The following SMCHD1 variants were observed in gnomAD, a reference collection of about 807,000 sequenced individuals.
The protein encoded by SMCHD1 is structural maintenance of chromosomes flexible hinge domain containing 1, also known as structural maintenance of chromosomes flexible hinge domain-containing protein 1.
Under a neutral mutation model 254.7 loss-of-function variants are expected in SMCHD1, and 78 were observed. That is an observed-to-expected ratio of 0.31 (90% CI 0.26 to 0.37). The LOEUF (loss-of-function observed/expected upper bound fraction) is 0.37. Among genes scored for constraint, SMCHD1 ranks in the 10% least tolerant of loss-of-function variants. The pLI is 1.00. For missense variants in SMCHD1, 1,840 were observed against 2,408.1 expected (o/e 0.76, Z 4.94); for synonymous variants, 766 against 794.9 (o/e 0.96, Z 0.61).
intron 25 of SMCHD1, among the ~76,000 whole-genome samples, chr18:2,733,713 T>A (rs2075190131): frequency 6.6e-6 from 1 of 152,240 alleles, no homozygotes; most frequent in Non-Finnish European, 1.5e-5. Context: ...GGAACAAATT[T>A]GCATTTTCAA....
In SMCHD1 at chr18:2,666,196, A is replaced by G. The variant is rs1598283100; in HGVS notation, c.226A>G (p.Thr76Ala). The G allele has an allele frequency of 1.9e-6, 3 of 1,561,310 alleles. No individual in the cohort carries two copies. The highest frequency in any genetic ancestry group is 2.6e-6 in the Non-Finnish European group (3 of 1,137,470). Reference sequence around the variant, plus strand: ...ACCTGAAGAAAAATTTGTTATTACAACAACAAGTAGGAAAGAAATTACCTG... The same window carrying G: ...ACCTGAAGAAAAATTTGTTATTACAGCAACAAGTAGGAAAGAAATTACCTG... ...ISPEEKFVITTTSRKEITCDN... is the reference protein window; with the variant it reads ...ISPEEKFVITATSRKEITCDN... The change falls in exon 2 of 48, where the codon ACA (threonine) becomes GCA (alanine). Residue 76 changes from threonine to alanine, a missense_variant. Thr to Ala is a moderately conservative substitution (Grantham distance 58). Coordinates refer to ENST00000320876, the MANE Select transcript of SMCHD1 (RefSeq NM_015295.3).
intron 12 of SMCHD1, among the ~76,000 whole-genome samples, chr18:2,702,528 T>C (rs1414901477): frequency 7.7e-6 from 1 of 129,728 alleles, no homozygotes; most frequent in African/African-American, 2.5e-5. Flanking sequence ...GTTGTCAGAC[T>C]TTCTGGTTCC....
intron 29 of SMCHD1, among the ~76,000 whole-genome samples, chr18:2,744,358 C>T (rs947688205): frequency 2.0e-5 from 3 of 151,678 alleles, no homozygotes; most frequent in African/African-American, 7.3e-5. Context: ...GTAAATACTT[C>T]GGTATGCCTT....
At chr18:2,781,158 T>G (rs528842434) in intron 44 of SMCHD1, among the ~76,000 whole-genome samples, 147 of 152,268 alleles carry the variant, frequency 9.7e-4, no homozygotes, top group Non-Finnish European at 1.5e-3. Flanking sequence ...ACCCCCTCTG[T>G]GGGGGGAAAC....
At chr18:2,796,256 T>C (rs2076261842) in intron 46 of SMCHD1, 149 bp downstream of exon 46, 2 of 867,704 alleles carry the variant, frequency 2.3e-6, no homozygotes, top group Non-Finnish European at 3.5e-6. Context: ...TGATAAATGG[T>C]TATAAACTAT....
chr18:2,755,810 A>G (rs567399458), intron 34 of SMCHD1, among the ~76,000 whole-genome samples: 6 of 147,864 alleles, frequency 4.1e-5, no homozygotes, highest in Admixed American at 1.3e-4. Context: ...ATTGTGATCC[A>G]CCCGCCTTGG....
In SMCHD1 at chr18:2,748,376, G is replaced by GTTTA; in HGVS notation, c.3927+730_3927+731insTTAT. Among the ~76,000 whole-genome samples, 2 of 27,990 alleles carry GTTTA rather than the reference G, an allele frequency of 7.1e-5. 1 individual carries two copies. Among genetic ancestry groups the GTTTA allele is most frequent in the Non-Finnish European group, 1.6e-4 (2 of 12,162 alleles). The allele number at this position is 27,990 out of a possible 152,430, so 18.4% of individuals were successfully genotyped here. ...TGTGTGTGTGTGTGTGTGTGTGTGT[G>GTTTA]TGTGTGTATATAAATTTTTTTTTTT... On this transcript the variant is annotated intron_variant, in intron 30 of 47. Coordinates refer to ENST00000320876, the MANE Select transcript of SMCHD1 (RefSeq NM_015295.3).
intron 1 of SMCHD1, among the ~76,000 whole-genome samples, chr18:2,656,980 G>A (rs1240457900): frequency 6.6e-6 from 1 of 152,216 alleles, no homozygotes; most frequent in African/African-American, 2.4e-5. Flanking sequence ...GAAAATGAAC[G>A]TGGAGGGAAA....
At chr18:2,704,435 T>C (rs1316195495) in intron 13 of SMCHD1, among the ~76,000 whole-genome samples, 1 of 152,146 alleles carries the variant, frequency 6.6e-6, no homozygotes, top group Non-Finnish European at 1.5e-5. Context: ...ACCTTTTGAC[T>C]GTGTGGTGGA....
At chr18:2,772,459 G>A in intron 41 of SMCHD1, 87 bp downstream of exon 41, 1 of 1,164,638 alleles carries the variant, frequency 8.6e-7, no homozygotes, top group Non-Finnish European at 1.2e-6. Context: ...ACAAAAAAGT[G>A]TCAGGTTCTT....
chr18:2,781,167 A>T (rs548703104), intron 44 of SMCHD1, among the ~76,000 whole-genome samples: 2 of 152,324 alleles, frequency 1.3e-5, no homozygotes, highest in South Asian at 4.1e-4. Flanking sequence ...GTGGGGGGAA[A>T]CCTTAGTATA....
At chr18:2,748,390 A>ATTTTTTTTTTTTTTTTATAAAT (rs2075507362) in intron 30 of SMCHD1, among the ~76,000 whole-genome samples, 1 of 92,700 alleles carries the variant, frequency 1.1e-5, no homozygotes, top group Non-Finnish European at 1.9e-5. Flanking sequence ...GTGTATATAA[A>ATTTTTTTTTTTTTTTTATAAAT]TTTTTTTTTT....
intron 44 of SMCHD1, among the ~76,000 whole-genome samples, chr18:2,782,584 A>T (rs1442635930): frequency 2.8e-5 from 4 of 142,902 alleles, no homozygotes; most frequent in Non-Finnish European, 6.2e-5. Flanking sequence ...TACAAAGTTT[A>T]AAAAAAAAAA....
chr18:2,691,317 T>G (rs1197767265), intron 7 of SMCHD1, among the ~76,000 whole-genome samples: 2 of 152,210 alleles, frequency 1.3e-5, no homozygotes, highest in African/African-American at 2.4e-5. Context: ...TGCCAGCCTT[T>G]TCTGTGTTTT....
intron 4 of SMCHD1, 146 bp downstream of exon 4, chr18:2,673,509 CG>C (rs2073666788): frequency 1.6e-6 from 1 of 638,928 alleles, no homozygotes; most frequent in South Asian, 3.2e-5. Flanking sequence ...AATTTTTTCA[CG>C]TTTTTTTCCT....
At chr18:2,756,377 T>C (rs2075678165) in intron 34 of SMCHD1, among the ~76,000 whole-genome samples, 1 of 152,200 alleles carries the variant, frequency 6.6e-6, no homozygotes, top group South Asian at 2.1e-4. Flanking sequence ...CTCACAAAAG[T>C]AGGAAGAAAT....
intron 16 of SMCHD1, 73 bp downstream of exon 16, chr18:2,707,718 T>G: frequency 1.4e-6 from 2 of 1,459,930 alleles, no homozygotes; most frequent in Non-Finnish European, 1.9e-6. Flanking sequence ...ATGTAAAAGG[T>G]CACGAGATAT....
chr18:2,701,050 C>T lies in SMCHD1; in HGVS notation c.1647+132C>T. ...TATGATGTATAAATTTTTTTATGAG[C>T]AGTCAAGTGTTCACATTACTAAAAA... On this transcript the variant is annotated intron_variant, in intron 12 of 47. Transcript: ENST00000320876. 6.2e-6 allele frequency: 4 copies of T among 643,668 alleles called. No individual in the cohort carries two copies. In the South Asian group the frequency reaches 1.2e-4, roughly 20 times the overall value. The allele number at this position is 643,668 out of a possible 1,614,324, so 39.9% of individuals were successfully genotyped here. A position where few individuals can be genotyped will look rare whatever the true frequency, so the allele number is the denominator to read the frequency against.
intron 45 of SMCHD1, among the ~76,000 whole-genome samples, chr18:2,785,658 A>AG: frequency 7.1e-6 from 1 of 141,416 alleles, no homozygotes; most frequent in Non-Finnish European, 1.5e-5. Context: ...AAAAAAAAAA[A>AG]AAAAAAAAAA....
Sources: allele counts gnomAD v4.1 joint callset (sites outside exome capture counted in the v4.1 genomes callset), GRCh38; gene constraint gnomAD v4.1.1; transcripts MANE v1.5; gene names NCBI Gene and HGNC (gene_info 2026-07-23, HGNC 2026-07-21).